MICA: variants seen among roughly 807,000 people sequenced by gnomAD.
The protein encoded by MICA is MHC class I polypeptide-related sequence A.
Under a neutral mutation model 34.3 loss-of-function variants are expected in MICA, and 18 were observed. The observed-to-expected ratio is 0.52, with a 90% CI of 0.36 to 0.78. The LOEUF (loss-of-function observed/expected upper bound fraction) is 0.78. Ranked by LOEUF, MICA falls within the 30% of genes least tolerant of loss-of-function variation. MICA has a pLI of 0.00. For synonymous variants in MICA, 135 were observed against 156.9 expected, an observed-to-expected ratio of 0.86 and a Z score of 1.04; for missense variants, 333 against 409.4, an observed-to-expected ratio of 0.81 and a Z score of 1.61.
intron 5 of MICA, among the ~76,000 whole-genome samples, chr6:31,412,667 G>T (rs958885504): frequency 5.9e-5 from 9 of 151,864 alleles, no homozygotes; most frequent in Non-Finnish European, 1.3e-4. Flanking sequence ...CCCAGCTGTG[G>T]CATCCTCCTG....
chr6:31,414,962 C>T (rs762672520), intron 5 of MICA, 50 bp from the exon 6 acceptor site: 30 of 1,418,770 alleles, frequency 2.1e-5, no homozygotes, highest in Non-Finnish European at 2.8e-5. Context: ...AGGGAATAAA[C>T]ACAACACTGC....
chr6:31,410,624 T>A lies in MICA; in HGVS notation c.152T>A (p.Leu51Gln), dbSNP rs747935461. 1.2e-5 allele frequency: 20 copies of A among 1,613,456 alleles called. No homozygotes were observed. In the South Asian group the frequency reaches 2.1e-4, roughly 17 times the overall value. The change falls in exon 2 of 6, where the codon CTG (leucine) becomes CAG (glutamine). Residue 51 changes from leucine to glutamine, a missense_variant. Physicochemically the swap from Leu to Gln is moderately radical, Grantham distance 113. Coordinates refer to ENST00000449934, the MANE Select transcript of MICA (RefSeq NM_001177519.3). ...VQSGFLAEVH[L>Q]DGQPFLRYDR... is the part of the protein sequence containing the mutation. ...TCAGGGTTTCTTGCTGAGGTACATC[T>A]GGATGGTCAGCCCTTCCTGCGCTAT...
intron 2 of MICA, 82 bp downstream of exon 2, chr6:31,410,879 C>T: frequency 2.7e-6 from 4 of 1,495,874 alleles, no homozygotes; most frequent in Non-Finnish European, 3.6e-6. Flanking sequence ...CTGTCTCTTC[C>T]CACTGGATCT....
chr6:31,403,629 G>A lies in MICA; in HGVS notation c.-4G>A. ...GCCGCTGAGAGGGTGGCGACGTCGG[G>A]GCCATGGGGCTGGGCCCGGTCTTTC... On this transcript the variant is annotated 5_prime_UTR_variant, in exon 1 of 6. Transcript: ENST00000449934. This position sits in a 1 kb window ranked among gnomAD's most constrained non-coding sequence, Gnocchi z 4.7. 6.6e-7 allele frequency: 1 copy of A among 1,510,208 alleles called. No individual in the cohort carries two copies. The highest frequency in any genetic ancestry group is 8.8e-7 in the Non-Finnish European group (1 of 1,131,452). The allele number at this position is 1,510,208 out of a possible 1,614,324, so 93.6% of individuals were successfully genotyped here.
At chr6:31,409,208 G>T (rs1770923196) in intron 1 of MICA, among the ~76,000 whole-genome samples, 1 of 151,504 alleles carries the variant, frequency 6.6e-6, no homozygotes, top group Non-Finnish European at 1.5e-5. Flanking sequence ...TTTCCTTTGG[G>T]TATATATTTA....
At chr6:31,405,088 C>A (rs974572411) in intron 1 of MICA, among the ~76,000 whole-genome samples, 1 of 148,672 alleles carries the variant, frequency 6.7e-6, no homozygotes, top group East Asian at 2.0e-4. Context: ...CACCCTACCC[C>A]AAGTTCTCCC....
At chr6:31,407,052 T>C (rs1315534566) in intron 1 of MICA, among the ~76,000 whole-genome samples, 2 of 151,906 alleles carry the variant, frequency 1.3e-5, no homozygotes. Flanking sequence ...TGTGGTTCCA[T>C]ATGCATTTTA....
intron 1 of MICA, among the ~76,000 whole-genome samples, chr6:31,409,999 A>G (rs545379861): frequency 1.3e-5 from 2 of 150,460 alleles, no homozygotes; most frequent in African/African-American, 2.5e-5. Flanking sequence ...TGGGATACTG[A>G]CCCCACTATA....
chr6:31,412,954 T>C (rs550958363), intron 5 of MICA, among the ~76,000 whole-genome samples: 147 of 149,844 alleles, frequency 9.8e-4, no homozygotes, highest in African/African-American at 3.5e-3. Context: ...TCTCCAGCCA[T>C]CGGGGCGGAC....
At position 31,415,256 on chromosome 6, in the gene MICA, T is replaced by G; in HGVS notation, c.*274T>G. On this transcript the variant is annotated 3_prime_UTR_variant, in exon 6 of 6. Transcript: ENST00000449934. The stretch of plus-strand genomic sequence containing the variant: ...AGAGAAAATAAAAGCACTTATTTAT[T>G]GTTGTTGGAGGCTGCAAAATGTTAG... 1 of 559,296 alleles carries G rather than the reference T, an allele frequency of 1.8e-6. No individual in the cohort carries two copies. Among genetic ancestry groups the G allele is most frequent in the East Asian group, 3.4e-5 (1 of 29,504 alleles). 34.6% of individuals were successfully genotyped at this position (559,296 alleles called of 1,614,324 possible). A position where few individuals can be genotyped will look rare whatever the true frequency, so the allele number is the denominator to read the frequency against.
In MICA at chr6:31,411,431, C is replaced by A; in HGVS notation, c.613+72C>A. The A allele has an allele frequency of 7.1e-7, 1 of 1,403,296 alleles. No individual in the cohort carries two copies. Among genetic ancestry groups the A allele is most frequent in the Non-Finnish European group, 9.6e-7 (1 of 1,044,930 alleles). 86.9% of individuals were successfully genotyped at this position (1,403,296 alleles called of 1,614,324 possible). A position where few individuals can be genotyped will look rare whatever the true frequency, so the allele number is the denominator to read the frequency against. On this transcript the variant is annotated intron_variant, in intron 3 of 5. Transcript: ENST00000449934. This position sits in a 1 kb window ranked among gnomAD's most constrained non-coding sequence, Gnocchi z 4.3. ...AGTTGCCTCACCTCCCAGATGTGTC[C>A]AGGGAAACCCTCCCTGTGCTATGGA...
rs766687346 is a variant in MICA at position 31,412,052 on chromosome 6, G to A, written c.719G>A (p.Arg240His). The A allele has an allele frequency of 1.8e-5, 29 of 1,612,906 alleles. No homozygotes were observed. Among genetic ancestry groups the A allele is most frequent in the African/African-American group, 4.0e-5 (3 of 74,702 alleles). ...FYPRNIILTW[R>H]QDGVSLSHDT... ...CCCCGGAATATCATACTGACCTGGC[G>A]TCAGGATGGGGTATCTTTGAGCCAC... Residue 240 changes from arginine to histidine, a missense_variant, in exon 4 of 6, where the codon CGT (arginine) becomes CAT (histidine). Physicochemically the swap from Arg to His is conservative, Grantham distance 29 (BLOSUM62 0). Transcript: ENST00000449934.
chr6:31,407,186 G>A (rs1206833294), intron 1 of MICA, among the ~76,000 whole-genome samples: 1 of 151,862 alleles, frequency 6.6e-6, no homozygotes, highest in African/African-American at 2.4e-5. Flanking sequence ...ATCCATGAAC[G>A]TGGACTATCT....
At chr6:31,410,213 A>G in intron 1 of MICA, among the ~76,000 whole-genome samples, 1 of 151,492 alleles carries the variant, frequency 6.6e-6, no homozygotes, top group East Asian at 1.9e-4. Flanking sequence ...CTCTGGCAAG[A>G]CCTTCCTTCC....
intron 2 of MICA, 102 bp from the exon 3 acceptor site, chr6:31,410,970 A>G (rs1771100653): frequency 1.4e-6 from 2 of 1,474,876 alleles, no homozygotes; most frequent in Non-Finnish European, 1.8e-6. Flanking sequence ...ACAGGGAGGC[A>G]TGGAGGAGGG....
chr6:31,413,343 G>A (rs141924848), intron 5 of MICA, among the ~76,000 whole-genome samples: 1,901 of 151,878 alleles, frequency 0.013, 59 homozygotes, highest in African/African-American at 0.036. Flanking sequence ...CAGGGCCCAT[G>A]TTTTTGGGGA....
intron 1 of MICA, among the ~76,000 whole-genome samples, chr6:31,406,740 AAGAC>A (rs1217236716): frequency 6.6e-6 from 1 of 151,866 alleles, no homozygotes; most frequent in Non-Finnish European, 1.5e-5. Context: ...TATATGGTGA[AAGAC>A]AGGGTCTAGT....
chr6:31,408,178 A>T (rs74819247), intron 1 of MICA, among the ~76,000 whole-genome samples: 8,611 of 152,002 alleles, frequency 0.057, 434 homozygotes, highest in South Asian at 0.17. Context: ...TCATCCTTGC[A>T]TACCTGGAAT....
At chr6:31,403,130 TG>T (rs1276168080), upstream of MICA, among the ~76,000 whole-genome samples, 6 of 151,972 alleles carry the variant, frequency 3.9e-5, no homozygotes, top group Admixed American at 1.3e-4. The surrounding 1 kb of genome is among the most constrained non-coding windows in gnomAD (Gnocchi z 4.7). Context: ...CTGGTCTCAT[TG>T]CCAGTAACGC....
Sources: gnomAD v4.1 joint callset for allele counts (sites outside exome capture counted in the v4.1 genomes callset) on GRCh38, gnomAD v4.1.1 for gene constraint, Gnocchi (gnomAD v3.1) non-coding constraint, MANE v1.5 for transcripts, NCBI Gene and HGNC (gene_info 2026-07-23, HGNC 2026-07-21) for gene names.